Variants in SLC13A5 observed in about 807,000 individuals in gnomAD.
The protein encoded by SLC13A5 is Na(+)/citrate cotransporter.
Under a neutral mutation model 56.5 loss-of-function variants are expected in SLC13A5, and 25 were observed. The ratio of observed to expected loss-of-function variants is 0.44; its 90% CI spans 0.32 to 0.62. The LOEUF is 0.62. SLC13A5 is among the 20% of genes least tolerant of loss of function. SLC13A5 has a pLI of 0.04. For missense variants in SLC13A5, 649 were observed against 737.8 expected (o/e 0.88, Z 1.39); for synonymous variants, 307 against 301.5 (o/e 1.02, Z -0.19).
In SLC13A5 at chr17:6,695,838, C is replaced by A. The variant is rs201857984; in HGVS notation, c.943G>T (p.Ala315Ser). The A allele has an allele frequency of 6.2e-7, 1 of 1,614,150 alleles. No individual in the cohort carries two copies. Among genetic ancestry groups the A allele is most frequent in the Admixed American group, 1.7e-5 (1 of 60,024 alleles). ...AAGCAGATCAGCACGTTGATCTCCG[C>A]GAAGGACAAGGGCCCCAGCTTCCGG... is the stretch of plus-strand genomic sequence containing the variant. ...EYRKLGPLSF[A>S]EINVLICFFL... Residue 315 changes from alanine to serine, a missense_variant, in exon 7 of 12, where the codon GCG becomes TCG. Physicochemically the swap from Ala to Ser is moderately conservative, Grantham distance 99. Transcript: ENST00000433363.
chr17:6,694,342 G>C lies in SLC13A5; in HGVS notation c.1056-145C>G, dbSNP rs767376837. On this transcript the variant is annotated intron_variant, in intron 7 of 11. Coordinates refer to ENST00000433363, the MANE Select transcript of SLC13A5 (RefSeq NM_177550.5). ...AAGTCAAGGTCAAGAGTGGTGGCCA[G>C]GTGCAGTGGCTCACACTTGTAATCC... 1.3e-5 allele frequency: 7 copies of C among 556,176 alleles called. 1 individual carries two copies. The highest frequency in any genetic ancestry group is 2.3e-5 in the Non-Finnish European group (7 of 310,184). The allele number at this position is 556,176 out of a possible 1,614,324, so 34.5% of individuals were successfully genotyped here. A position where few individuals can be genotyped will look rare whatever the true frequency, so the allele number is the denominator to read the frequency against.
In SLC13A5 at chr17:6,690,780, A is replaced by G. The variant is rs771664103; in HGVS notation, c.1436T>C (p.Met479Thr). Residue 479 changes from methionine to threonine, a missense_variant and splice_region_variant, in exon 10 of 12, where the codon ATG becomes ACG. Physicochemically the swap from Met to Thr is moderately conservative, Grantham distance 81. Coordinates refer to ENST00000433363, the MANE Select transcript of SLC13A5 (RefSeq NM_177550.5). ...TTLFLPIFAS[M>T]SRSIGLNPLY... ...CCTCCCCACTGTCAGGTTACTTACC[A>G]TGGAGGCAAAGATGGGCAGGAACAA... 3 of 1,614,190 alleles carry G rather than the reference A, an allele frequency of 1.9e-6. No homozygotes were observed. The highest frequency in any genetic ancestry group is 2.2e-5 in the South Asian group (2 of 91,086).
rs1406183343 is a variant in SLC13A5 at position 6,685,646 on chromosome 17, G to C, written c.*561C>G. 1 of 156,324 alleles carries C rather than the reference G, an allele frequency of 6.4e-6. No homozygotes were observed. Among genetic ancestry groups the C allele is most frequent in the South Asian group, 1.9e-4 (1 of 5,148 alleles). The allele number at this position is 156,324 out of a possible 1,614,324, so 9.7% of individuals were successfully genotyped here. A position where few individuals can be genotyped will look rare whatever the true frequency, so the allele number is the denominator to read the frequency against. On this transcript the variant is annotated 3_prime_UTR_variant, in exon 12 of 12. Transcript: ENST00000433363. This position sits in a 1 kb window ranked among gnomAD's most constrained non-coding sequence, Gnocchi z 4.2. ...GAGGAGTTCCCAGAGGCTTCAGGAGGCTCTGATTCCCACTCGCACTCCAGC... is the reference window on the plus strand; with the variant it reads ...GAGGAGTTCCCAGAGGCTTCAGGAGCCTCTGATTCCCACTCGCACTCCAGC...
chr17:6,702,539 C>T (rs1294036870), intron 5 of SLC13A5, among the ~76,000 whole-genome samples: 1 of 152,206 alleles, frequency 6.6e-6, no homozygotes, highest in Non-Finnish European at 1.5e-5. Flanking sequence ...AAGCAGTGAG[C>T]AAAGGGAGTG....
intron 6 of SLC13A5, among the ~76,000 whole-genome samples, chr17:6,698,290 C>T (rs1973613374): frequency 6.6e-6 from 1 of 152,226 alleles, no homozygotes; most frequent in African/African-American, 2.4e-5. Flanking sequence ...CTCTCAGGCT[C>T]CCCCGCCAGT....
At chr17:6,686,453 T>A in intron 11 of SLC13A5, 115 bp from the exon 12 acceptor site, 14 of 1,386,628 alleles carry the variant, frequency 1.0e-5, no homozygotes, top group Non-Finnish European at 1.4e-5. Flanking sequence ...GCTCTGTCCC[T>A]GGCTGGGGTG....
chr17:6,704,369 A>G (rs762441076), intron 3 of SLC13A5: 7 of 481,990 alleles, frequency 1.5e-5, no homozygotes, highest in South Asian at 6.8e-5. Context: ...CTGCCCCACC[A>G]TCTAGCAGGG....
intron 11 of SLC13A5, 174 bp from the exon 12 acceptor site, chr17:6,686,512 T>C (rs1973256751): frequency 2.9e-6 from 2 of 692,068 alleles, no homozygotes; most frequent in East Asian, 2.8e-5. Context: ...GTATCCTCAG[T>C]GCTCAAGGCA....
At chr17:6,694,807 C>T (rs1973514633) in intron 7 of SLC13A5, among the ~76,000 whole-genome samples, 1 of 152,142 alleles carries the variant, frequency 6.6e-6, no homozygotes, top group African/African-American at 2.4e-5. Context: ...ACCAGGGTGA[C>T]CATGAAGACT....
At chr17:6,706,291 C>T (rs1004470054) in intron 3 of SLC13A5, among the ~76,000 whole-genome samples, 2 of 152,148 alleles carry the variant, frequency 1.3e-5, no homozygotes, top group East Asian at 1.9e-4. Flanking sequence ...TTCTGGCCTG[C>T]TTCCCTTATC....
intron 8 of SLC13A5, chr17:6,693,544 A>T (rs781038193): frequency 1.2e-5 from 2 of 164,356 alleles, no homozygotes; most frequent in Non-Finnish European, 2.6e-5. Flanking sequence ...GCAAGAAAAC[A>T]TTAATTTATG....
intron 6 of SLC13A5, among the ~76,000 whole-genome samples, chr17:6,699,122 G>A (rs1973643382): frequency 6.6e-6 from 1 of 151,428 alleles, no homozygotes; most frequent in Admixed American, 6.6e-5. Context: ...GAAAGGAAAA[G>A]AGCGCTCGAA....
chr17:6,700,122 G>T (rs961721335), intron 6 of SLC13A5, among the ~76,000 whole-genome samples: 2 of 152,200 alleles, frequency 1.3e-5, no homozygotes, highest in African/African-American at 4.8e-5. Context: ...TTAACTCAGA[G>T]CTGAGTACTT....
intron 9 of SLC13A5, among the ~76,000 whole-genome samples, chr17:6,691,923 T>C (rs1309227701): frequency 1.3e-5 from 2 of 152,172 alleles, no homozygotes; most frequent in Admixed American, 6.5e-5. Context: ...ACCAGCCTCA[T>C]CTTCTACTTC....
chr17:6,687,798 T>C lies in SLC13A5; in HGVS notation c.1438-132A>G. 8.8e-7 allele frequency: 1 copy of C among 1,141,656 alleles called. No individual in the cohort carries two copies. Among genetic ancestry groups the C allele is most frequent in the South Asian group, 2.0e-5 (1 of 48,954 alleles). The allele number at this position is 1,141,656 out of a possible 1,614,324, so 70.7% of individuals were successfully genotyped here. A position where few individuals can be genotyped will look rare whatever the true frequency, so the allele number is the denominator to read the frequency against. On this transcript the variant is annotated intron_variant, in intron 10 of 11. Coordinates refer to ENST00000433363, the MANE Select transcript of SLC13A5 (RefSeq NM_177550.5). The surrounding 1 kb of genome is among the most constrained non-coding windows in gnomAD (Gnocchi z 5.0). Reference sequence around the variant, plus strand: ...TGCCTCAGTCTTGGTTCCTCTCCCTTTTGCCACGTCTCTGGCAGATAATTC... The same window carrying C: ...TGCCTCAGTCTTGGTTCCTCTCCCTCTTGCCACGTCTCTGGCAGATAATTC...
At chr17:6,704,610 A>T (rs1220703679) in intron 3 of SLC13A5, 1 of 252,790 alleles carries the variant, frequency 4.0e-6, no homozygotes, top group Non-Finnish European at 8.0e-6. Context: ...CTGCCACTCC[A>T]ACCCTGCCAT....
At chr17:6,688,385 A>C (rs1973306711) in intron 10 of SLC13A5, 1 of 152,254 alleles carries the variant, frequency 6.6e-6, no homozygotes, top group South Asian at 2.1e-4. Flanking sequence ...AATAGTATGC[A>C]GCTGTAAAGA....
chr17:6,695,611 G>C, intron 7 of SLC13A5, 115 bp downstream of exon 7: 4 of 966,736 alleles, frequency 4.1e-6, no homozygotes, highest in Non-Finnish European at 3.2e-6. Context: ...GGATGGTCTC[G>C]ATCTCCTGAC....
chr17:6,706,690 T>C lies in SLC13A5; in HGVS notation c.320A>G (p.Lys107Arg), dbSNP rs376995742. ...AVAVERWNLH[K>R]RIALRTLLWV... ...GAGGAGCGTGCGCAGGGCGATCCTC[T>C]TGTGCAGGTTCCAGCGCTCCACAGC... The change falls in exon 3 of 12, where the codon AAG becomes AGG. Residue 107 changes from lysine to arginine, a missense_variant. Physicochemically the swap from Lys to Arg is conservative, Grantham distance 26 (BLOSUM62 2). Coordinates refer to ENST00000433363, the MANE Select transcript of SLC13A5 (RefSeq NM_177550.5). 5.6e-5 allele frequency: 91 copies of C among 1,613,834 alleles called. No homozygotes were observed. The highest frequency in any genetic ancestry group is 7.0e-5 in the Non-Finnish European group (83 of 1,179,980).
Sources: allele counts gnomAD v4.1 joint callset (sites outside exome capture counted in the v4.1 genomes callset), GRCh38; gene constraint gnomAD v4.1.1; non-coding constraint Gnocchi (gnomAD v3.1); transcripts MANE v1.5; gene names NCBI Gene and HGNC (gene_info 2026-07-23, HGNC 2026-07-21).